Variants in LRIG1 observed in about 807,000 individuals in gnomAD.
LRIG1 encodes the protein leucine rich repeats and immunoglobulin like domains 1.
In LRIG1, 48 loss-of-function variants were observed where a neutral mutation model predicts 99.2. That is an observed-to-expected ratio of 0.48 (90% CI 0.38 to 0.62). LRIG1 has a LOEUF of 0.62. Among genes scored for constraint, LRIG1 ranks in the 20% least tolerant of loss-of-function variants. LRIG1 has a pLI of 0.00. For missense variants in LRIG1, 1,646 were observed against 1,434.4 expected (o/e 1.15, Z -2.38); for synonymous variants, 772 against 596.1 (o/e 1.29, Z -4.30).
chr3:66,469,894 A>T (rs1184466788), intron 1 of LRIG1, among the ~76,000 whole-genome samples: 1 of 103,208 alleles, frequency 9.7e-6, no homozygotes, highest in African/African-American at 3.9e-5. Context: ...ACATAGTGAG[A>T]CCCTGTCCCT....
At chr3:66,484,161 G>A (rs1270353650) in intron 1 of LRIG1, among the ~76,000 whole-genome samples, 1 of 152,110 alleles carries the variant, frequency 6.6e-6, no homozygotes, top group East Asian at 1.9e-4. Context: ...AAACAAGCAA[G>A]GTATATTCAG....
intron 1 of LRIG1, among the ~76,000 whole-genome samples, chr3:66,487,548 G>C (rs982256617): frequency 6.6e-6 from 1 of 152,170 alleles, no homozygotes; most frequent in Admixed American, 6.5e-5. Context: ...ACATGAAATT[G>C]AATGATCCCT....
At chr3:66,433,926 A>G (rs1329366146) in intron 3 of LRIG1, among the ~76,000 whole-genome samples, 1 of 152,154 alleles carries the variant, frequency 6.6e-6, no homozygotes, top group Non-Finnish European at 1.5e-5. Flanking sequence ...TTTCTTCCCT[A>G]TTTCAGGCTT....
intron 7 of LRIG1, among the ~76,000 whole-genome samples, chr3:66,408,827 GAATCCAAGAA>G (rs1702365014): frequency 6.6e-6 from 1 of 151,844 alleles, no homozygotes; most frequent in Non-Finnish European, 1.5e-5. Flanking sequence ...AACACTCACA[GAATCCAAGAA>G]AAGTTAGGAA....
chr3:66,486,178 T>C (rs1036991633), intron 1 of LRIG1, among the ~76,000 whole-genome samples: 9 of 152,180 alleles, frequency 5.9e-5, no homozygotes, highest in South Asian at 2.1e-4. Context: ...GTTATAATAA[T>C]AACATTATAG....
At chr3:66,460,883 A>C (rs1428663475) in intron 2 of LRIG1, among the ~76,000 whole-genome samples, 3 of 152,176 alleles carry the variant, frequency 2.0e-5, no homozygotes, top group Non-Finnish European at 4.4e-5. Flanking sequence ...AACCTTTTTT[A>C]AACAGAAGCA....
chr3:66,478,338 C>T (rs933612301), intron 1 of LRIG1, among the ~76,000 whole-genome samples: 4 of 152,160 alleles, frequency 2.6e-5, no homozygotes, highest in African/African-American at 7.2e-5. Flanking sequence ...ACAGCCAACC[C>T]ATGGTTATCT....
In LRIG1 at chr3:66,429,787, G is replaced by T. The variant is rs3927280; in HGVS notation, c.366-12521C>A. ...TGTTAACAATAGGGGAAACAGGGTG[G>T]GTGTGTGTGTGTGTGTGTGTGTGAG... On this transcript the variant is annotated intron_variant, in intron 3 of 18. Transcript: ENST00000273261. Among the ~76,000 whole-genome samples the T allele has an allele frequency of 3.8e-3, 561 of 149,420 alleles. 3 individuals are homozygous for T. The highest frequency in any genetic ancestry group is 7.9e-3 in the African/African-American group (320 of 40,700).
chr3:66,379,955 G>T lies in LRIG1; in HGVS notation c.*308C>A. 1 of 174,204 alleles carries T rather than the reference G, an allele frequency of 5.7e-6. No homozygotes were observed. The highest frequency in any genetic ancestry group is 1.1e-5 in the Non-Finnish European group (1 of 89,722). The allele number at this position is 174,204 out of a possible 1,614,324, so 10.8% of individuals were successfully genotyped here. A position where few individuals can be genotyped will look rare whatever the true frequency, so the allele number is the denominator to read the frequency against. On this transcript the variant is annotated 3_prime_UTR_variant, in exon 19 of 19. Transcript: ENST00000273261. ...GCAACCTGATACGAAAAATAATATT[G>T]TCAAAATTGTATAATTTTTTTCTGT...
intron 5 of LRIG1, among the ~76,000 whole-genome samples, chr3:66,414,584 A>G (rs569603186): frequency 1.2e-3 from 188 of 152,292 alleles, no homozygotes; most frequent in African/African-American, 4.3e-3. Context: ...TCTTAAAAAA[A>G]TACAGAAAAA....
rs776440323 is a variant in LRIG1, at chr3:66,380,651, G to A, written c.2981C>T (p.Ser994Leu). 21 of 1,614,178 alleles carry A rather than the reference G, an allele frequency of 1.3e-5. No individual in the cohort carries two copies. The highest frequency in any genetic ancestry group is 1.6e-5 in the Non-Finnish European group (19 of 1,180,040). Residue 994 changes from serine (S) to leucine (L), a missense_variant, in exon 18 of 19, where the codon TCG (serine) becomes TTG (leucine). By Grantham distance (145) the Ser-to-Leu change is moderately radical. Transcript: ENST00000273261. ...AAGSCPECQG[S>L]LYPSNHDRML... ...TCTATCGTGGTTACTGGGGTAGAGC[G>A]ACCCTTGGCACTCGGGGCAGGACCC...
At chr3:66,479,037 G>A (rs937519581) in intron 1 of LRIG1, among the ~76,000 whole-genome samples, 9 of 152,058 alleles carry the variant, frequency 5.9e-5, no homozygotes, top group Admixed American at 3.3e-4. Flanking sequence ...CCCTGCAGCC[G>A]CCCAAGTTCA....
At chr3:66,438,216 C>T (rs1703424891) in intron 3 of LRIG1, among the ~76,000 whole-genome samples, 1 of 152,122 alleles carries the variant, frequency 6.6e-6, no homozygotes, top group African/African-American at 2.4e-5. Context: ...ACCCCCTGTC[C>T]CACTCCACGC....
At chr3:66,437,941 G>A (rs2106766195) in intron 3 of LRIG1, among the ~76,000 whole-genome samples, 1 of 152,324 alleles carries the variant, frequency 6.6e-6, no homozygotes, top group South Asian at 2.1e-4. Flanking sequence ...GGGAGAACAG[G>A]AAGAAATGGA....
At chr3:66,462,675 C>T (rs1159705530) in intron 1 of LRIG1, among the ~76,000 whole-genome samples, 166 bp from the exon 2 acceptor site, 1 of 151,964 alleles carries the variant, frequency 6.6e-6, no homozygotes, top group Non-Finnish European at 1.5e-5. Context: ...GACATACCCC[C>T]TCCCCACCTA....
At chr3:66,427,030 C>T (rs1374915853) in intron 3 of LRIG1, among the ~76,000 whole-genome samples, 6 of 152,174 alleles carry the variant, frequency 3.9e-5, no homozygotes, top group South Asian at 2.1e-4. Flanking sequence ...CCTGAACCTC[C>T]GGTTAGAAAA....
rs1702602668 is a variant in LRIG1, at chr3:66,415,908, A to G, written c.504-845T>C. Among the ~76,000 whole-genome samples, 4 of 152,336 alleles carry G rather than the reference A, an allele frequency of 2.6e-5. No homozygotes were observed. The South Asian group carries it at 8.3e-4, about 32-fold the overall frequency. Reference sequence around the variant, plus strand: ...GCTTTTTCTGGCCTAAGTGAAAAGGAGAAAGACCAGAGAGGATTTTCTGCC... The same window carrying G: ...GCTTTTTCTGGCCTAAGTGAAAAGGGGAAAGACCAGAGAGGATTTTCTGCC... On this transcript the variant is annotated intron_variant, in intron 4 of 18. Transcript: ENST00000273261.
intron 2 of LRIG1, among the ~76,000 whole-genome samples, chr3:66,458,281 A>T (rs982537243): frequency 6.6e-6 from 1 of 152,150 alleles, no homozygotes. Flanking sequence ...ATGTCCAGCT[A>T]ATTTTTTGTA....
chr3:66,408,964 T>TGTGG (rs1575668634), intron 7 of LRIG1, among the ~76,000 whole-genome samples: 1 of 17,310 alleles, frequency 5.8e-5, no homozygotes, highest in Admixed American at 7.1e-4. Context: ...GTGTGTGTGG[T>TGTGG]GGGGGGAGGG....
Sources: allele counts gnomAD v4.1 joint callset (sites outside exome capture counted in the v4.1 genomes callset), GRCh38; gene constraint gnomAD v4.1.1; transcripts MANE v1.5; gene names NCBI Gene and HGNC (gene_info 2026-07-23, HGNC 2026-07-21).